TMEM268: variants seen among roughly 807,000 people sequenced by gnomAD.
TMEM268 encodes transmembrane protein 268.
In TMEM268, 24 loss-of-function variants were observed where a neutral mutation model predicts 39.1. That is an observed-to-expected ratio of 0.61 (90% CI 0.44 to 0.86). The LOEUF (loss-of-function observed/expected upper bound fraction) is 0.86. Ranked by LOEUF, TMEM268 falls within the 40% of genes least tolerant of loss-of-function variation. TMEM268 has a pLI of 0.00. For synonymous variants in TMEM268, 176 were observed against 173.5 expected (o/e 1.01, Z -0.12); for missense variants, 409 against 428.6 (o/e 0.95, Z 0.40).
intron 5 of TMEM268, among the ~76,000 whole-genome samples, chr9:114,629,836 A>G (rs1846316239): frequency 6.6e-6 from 1 of 152,186 alleles, no homozygotes. Context: ...CGGGAACTAT[A>G]TGGTGTACTC....
chr9:114,623,736 G>T (rs1403831545), intron 2 of TMEM268, among the ~76,000 whole-genome samples: 1 of 152,164 alleles, frequency 6.6e-6, no homozygotes, highest in East Asian at 1.9e-4. Context: ...GTGATTTCAT[G>T]GGGCCCACCC....
At chr9:114,619,745 A>G (rs922595602) in intron 2 of TMEM268, among the ~76,000 whole-genome samples, 1 of 152,052 alleles carries the variant, frequency 6.6e-6, no homozygotes, top group African/African-American at 2.4e-5. Context: ...TTTCTTTTCC[A>G]TGCTGATGGT....
chr9:114,606,494 C>G (rs79107791), upstream of TMEM268, among the ~76,000 whole-genome samples: 7 of 152,190 alleles, frequency 4.6e-5, no homozygotes, highest in Non-Finnish European at 2.9e-5. Flanking sequence ...CCACTAGCAA[C>G]GGAACATTCT....
upstream of TMEM268, among the ~76,000 whole-genome samples, chr9:114,608,028 G>A (rs1034332594): frequency 1.3e-5 from 2 of 152,166 alleles, no homozygotes; most frequent in African/African-American, 4.8e-5. Context: ...CCCACCACAA[G>A]GACCTTGTGG....
At chr9:114,638,053 T>C (rs1443739421) in intron 7 of TMEM268, among the ~76,000 whole-genome samples, 1 of 152,204 alleles carries the variant, frequency 6.6e-6, no homozygotes, top group Non-Finnish European at 1.5e-5. Flanking sequence ...ATTTGTTTGT[T>C]TGTTTTGAGG....
intron 1 of TMEM268, among the ~76,000 whole-genome samples, chr9:114,616,256 G>C (rs139948429): frequency 0.19 from 28,034 of 149,830 alleles, 2,847 homozygotes; most frequent in African/African-American, 0.26. Context: ...ACCTCGTGAT[G>C]TGCCAGCCTC....
chr9:114,624,567 C>T, intron 3 of TMEM268, 108 bp downstream of exon 3: 3 of 1,470,246 alleles, frequency 2.0e-6, no homozygotes, highest in Non-Finnish European at 2.7e-6. Flanking sequence ...TCTGTACCAG[C>T]TGTCGTAGGG....
intron 5 of TMEM268, among the ~76,000 whole-genome samples, chr9:114,633,182 G>A (rs1353979019): frequency 7.0e-6 from 1 of 143,776 alleles, no homozygotes; most frequent in Non-Finnish European, 1.5e-5. Context: ...TTTTTTTTGA[G>A]ACAGAGTCTC....
upstream of TMEM268, chr9:114,611,250 G>A (rs971485277): frequency 4.6e-5 from 7 of 152,204 alleles, no homozygotes; most frequent in African/African-American, 1.7e-4. Flanking sequence ...GGTCGGCTCC[G>A]CGCGGAGGCT....
At chr9:114,631,827 G>A (rs532017406) in intron 5 of TMEM268, among the ~76,000 whole-genome samples, 12 of 152,158 alleles carry the variant, frequency 7.9e-5, no homozygotes, top group Admixed American at 2.0e-4. Flanking sequence ...GTGGCTGGGC[G>A]TGATGGCTCA....
intron 2 of TMEM268, among the ~76,000 whole-genome samples, chr9:114,623,958 A>G (rs1846047315): frequency 6.6e-6 from 1 of 152,200 alleles, no homozygotes; most frequent in Non-Finnish European, 1.5e-5. Context: ...CATTCTTTGC[A>G]ATGCTTAAAT....
At chr9:114,632,733 A>G (rs945670597) in intron 5 of TMEM268, among the ~76,000 whole-genome samples, 2 of 152,174 alleles carry the variant, frequency 1.3e-5, no homozygotes, top group African/African-American at 4.8e-5. Flanking sequence ...TTGATCTCCC[A>G]TCTTCCGCAA....
chr9:114,643,077 C>T (rs941026942), intron 8 of TMEM268, 57 bp from the exon 9 acceptor site: 1 of 1,576,928 alleles, frequency 6.3e-7, no homozygotes, highest in Middle Eastern at 1.8e-4. Flanking sequence ...GTGCCTAAGC[C>T]CTTTTTCCTC....
At chr9:114,612,227 G>C (rs1845529248) in intron 1 of TMEM268, among the ~76,000 whole-genome samples, 1 of 152,186 alleles carries the variant, frequency 6.6e-6, no homozygotes, top group Non-Finnish European at 1.5e-5. Context: ...GCAGAGCTGG[G>C]GGCCTTTGCG....
chr9:114,625,448 T>C (rs1243973948), intron 3 of TMEM268, among the ~76,000 whole-genome samples: 7 of 150,730 alleles, frequency 4.6e-5, no homozygotes, highest in African/African-American at 1.5e-4. Context: ...TTCTTCTTTT[T>C]TTTTTTTTTT....
At chr9:114,626,706 C>G (rs1235405525) in intron 3 of TMEM268, among the ~76,000 whole-genome samples, 193 bp from the exon 4 acceptor site, 2 of 152,030 alleles carry the variant, frequency 1.3e-5, no homozygotes, top group Non-Finnish European at 2.9e-5. Context: ...GGATCCTTCT[C>G]CAGATGTCAT....
chr9:114,634,967 G>A lies in TMEM268; in HGVS notation c.585+1089G>A, dbSNP rs544497534. On this transcript the variant is annotated intron_variant, in intron 6 of 8. Coordinates refer to ENST00000288502, the MANE Select transcript of TMEM268 (RefSeq NM_153045.4). The stretch of plus-strand genomic sequence containing the variant: ...GAATGTGGGGGTCCTTTTTAGCCTC[G>A]TTTATCTTTGAATCTCCTTTATCCG... Among the ~76,000 whole-genome samples, 21 of 152,270 alleles carry A rather than the reference G, an allele frequency of 1.4e-4. No individual in the cohort carries two copies. The South Asian group carries it at 3.3e-3, about 24-fold the overall frequency.
chr9:114,609,555 T>C (rs925079875), upstream of TMEM268, among the ~76,000 whole-genome samples: 4 of 151,430 alleles, frequency 2.6e-5, no homozygotes, highest in African/African-American at 9.7e-5. Flanking sequence ...AGTGGTGGCA[T>C]GCACTTTTAG....
chr9:114,614,081 C>A (rs1031424991), intron 1 of TMEM268, among the ~76,000 whole-genome samples: 1 of 152,122 alleles, frequency 6.6e-6, no homozygotes, highest in Non-Finnish European at 1.5e-5. Context: ...CCTCTCTATC[C>A]CCATTTTACA....
Sources: allele counts gnomAD v4.1 joint callset (sites outside exome capture counted in the v4.1 genomes callset), GRCh38; gene constraint gnomAD v4.1.1; transcripts MANE v1.5; gene names NCBI Gene and HGNC (gene_info 2026-07-23, HGNC 2026-07-21).